Variants in KNDC1 observed in about 807,000 individuals in gnomAD.
KNDC1 encodes kinase non-catalytic C-lobe domain-containing protein 1.
Under a neutral mutation model 172.8 loss-of-function variants are expected in KNDC1, and 106 were observed. The ratio of observed to expected loss-of-function variants is 0.61; its 90% CI spans 0.52 to 0.72. KNDC1 has a LOEUF of 0.72. Ranked by LOEUF, KNDC1 falls within the 30% of genes least tolerant of loss-of-function variation. KNDC1 has a pLI of 0.00. For missense variants in KNDC1, 2,325 were observed against 2,394.5 expected (o/e 0.97, Z 0.61); for synonymous variants, 1,083 against 1,062.2 (o/e 1.02, Z -0.38).
intron 29 of KNDC1, among the ~76,000 whole-genome samples, 194 bp downstream of exon 29, chr10:133,220,306 T>A (rs575260415): frequency 3.4e-4 from 15 of 44,150 alleles, no homozygotes; most frequent in African/African-American, 1.2e-3. Context: ...CGCGCCCAGG[T>A]GAGGAGGGGC....
At chr10:133,208,600 C>A (rs1354090198) in intron 20 of KNDC1, among the ~76,000 whole-genome samples, 1 of 152,056 alleles carries the variant, frequency 6.6e-6, no homozygotes, top group Admixed American at 6.5e-5. Flanking sequence ...CGACCCCGTT[C>A]TCCCAAGGTG....
At chr10:133,218,796 C>G (rs1845521278) in intron 26 of KNDC1, 35 bp from the exon 27 acceptor site, 6 of 1,601,202 alleles carry the variant, frequency 3.7e-6, no homozygotes, top group Non-Finnish European at 5.1e-6. Flanking sequence ...CATCTTAAAC[C>G]AGAAGACGCT....
intron 29 of KNDC1, among the ~76,000 whole-genome samples, chr10:133,222,237 C>T (rs369754049): frequency 1.1e-4 from 17 of 147,844 alleles, no homozygotes; most frequent in African/African-American, 3.7e-4. Context: ...GAGCCGAGAT[C>T]GCGCCACCGC....
In KNDC1 at chr10:133,224,187, C is replaced by T. The variant is rs1033624869; in HGVS notation, c.5019-472C>T. ...CCCCAGGCCTGGCTGAGGGCTCCTG[C>T]TCGTGACTGGCCAGCTTTCTCCATT... is the stretch of plus-strand genomic sequence containing the variant. On this transcript the variant is annotated intron_variant, in intron 29 of 29. Transcript: ENST00000304613. The surrounding 1 kb of genome is among the most constrained non-coding windows in gnomAD (Gnocchi z 5.4). Among the ~76,000 whole-genome samples, 4 of 152,226 alleles carry T rather than the reference C, an allele frequency of 2.6e-5. No individual in the cohort carries two copies. In the South Asian group the frequency reaches 8.3e-4, roughly 32 times the overall value.
intron 5 of KNDC1, among the ~76,000 whole-genome samples, chr10:133,184,414 ACT>A (rs1379813181): frequency 2.5e-4 from 14 of 56,672 alleles, no homozygotes; most frequent in African/African-American, 6.4e-4. Flanking sequence ...GCACACACCC[ACT>A]CACACATTCA....
intron 26 of KNDC1, among the ~76,000 whole-genome samples, chr10:133,218,432 G>C (rs993944996): frequency 6.6e-6 from 1 of 152,218 alleles, no homozygotes; most frequent in Non-Finnish European, 1.5e-5. Context: ...GGGTTGGGGG[G>C]TGGGCACGGA....
At position 133,167,469 on chromosome 10, in the gene KNDC1, T is replaced by C. The variant is rs1157037761; in HGVS notation, c.191T>C (p.Leu64Pro). 6.2e-7 allele frequency: 1 copy of C among 1,606,822 alleles called. No homozygotes were observed. Among genetic ancestry groups the C allele is most frequent in the Non-Finnish European group, 8.5e-7 (1 of 1,177,616 alleles). The change falls in exon 2 of 30, where the codon CTG (leucine) becomes CCG (proline). Residue 64 changes from leucine (L) to proline (P), a missense_variant. Coordinates refer to ENST00000304613, the MANE Select transcript of KNDC1 (RefSeq NM_152643.8). ...TGGGCCGTGTGCCTGGAGTGCAGCC[T>C]GTCCATGCGGAGCGTGGCCCACGCC... Reference protein sequence around the residue: ...EAWAVCLECSLSMRSVAHAAI... With the variant: ...EAWAVCLECSPSMRSVAHAAI...
rs1431313115 is a variant in KNDC1, at chr10:133,209,324, A to T, written c.3795-1287A>T. Among the ~76,000 whole-genome samples, 1 of 147,216 alleles carries T rather than the reference A, an allele frequency of 6.8e-6. No homozygotes were observed. The highest frequency in any genetic ancestry group is 2.5e-5 in the African/African-American group (1 of 39,332). Reference sequence around the variant, plus strand: ...GGTGTGGGGTACAGTGTGTGTGTGCACGTGTGTGCTGTGCGGTGTGGGGTA... The same window carrying T: ...GGTGTGGGGTACAGTGTGTGTGTGCTCGTGTGTGCTGTGCGGTGTGGGGTA... On this transcript the variant is annotated intron_variant, in intron 20 of 29. Transcript: ENST00000304613. The surrounding 1 kb of genome is among the most constrained non-coding windows in gnomAD (Gnocchi z 4.9).
intron 6 of KNDC1, 70 bp downstream of exon 6, chr10:133,186,744 C>T (rs1853931926): frequency 5.6e-6 from 6 of 1,062,606 alleles, no homozygotes; most frequent in South Asian, 3.2e-5. Flanking sequence ...GGCCTCTCCA[C>T]AGATGCAAAC....
chr10:133,204,945 A>T (rs1241546589), intron 17 of KNDC1, among the ~76,000 whole-genome samples: 9 of 147,510 alleles, frequency 6.1e-5, no homozygotes, highest in Non-Finnish European at 1.2e-4. Context: ...CCCCCTGAAG[A>T]CCTGCTGCTC....
chr10:133,204,860 G>C (rs916173081), intron 17 of KNDC1, among the ~76,000 whole-genome samples: 1 of 152,050 alleles, frequency 6.6e-6, no homozygotes, highest in African/African-American at 2.4e-5. Flanking sequence ...CTCACAGGAG[G>C]CTGCGGGCCG....
At position 133,201,493 on chromosome 10, in the gene KNDC1, C is replaced by A; in HGVS notation, c.2990-8C>A. On this transcript the variant is annotated splice_polypyrimidine_tract_variant and splice_region_variant and intron_variant, in intron 16 of 29. Transcript: ENST00000304613. ...CTGTCCACGTAACCTGCGTCTCTTTCTTTCAAGGAAAAGAGAAGCCAGCCA... is the reference window on the plus strand; with the variant it reads ...CTGTCCACGTAACCTGCGTCTCTTTATTTCAAGGAAAAGAGAAGCCAGCCA... The A allele has an allele frequency of 1.9e-6, 3 of 1,584,312 alleles. 1 individual carries two copies. Among genetic ancestry groups the A allele is most frequent in the South Asian group, 2.3e-5 (2 of 86,812 alleles).
rs77019110 is a variant in KNDC1 at position 133,217,697 on chromosome 10, G to A, written c.4678-1134G>A. ...CTACTAAAAATACAAAAATTATCAC[G>A]GCTGTGATCCCAGCACTTTGGGAGT... On this transcript the variant is annotated intron_variant, in intron 26 of 29. Transcript: ENST00000304613. 8.0e-5 allele frequency among the ~76,000 whole-genome samples: 12 copies of A among 150,924 alleles called. No individual in the cohort carries two copies. The East Asian group carries it at 9.7e-4, about 12-fold the overall frequency.
At chr10:133,219,635 AT>A (rs1206732621) in intron 28 of KNDC1, among the ~76,000 whole-genome samples, 1 of 152,170 alleles carries the variant, frequency 6.6e-6, no homozygotes, top group Non-Finnish European at 1.5e-5. Flanking sequence ...CCGGGGTCTC[AT>A]TTAGGGAAGC....
intron 17 of KNDC1, among the ~76,000 whole-genome samples, chr10:133,204,290 A>G (rs1854462454): frequency 6.6e-6 from 1 of 152,230 alleles, no homozygotes; most frequent in Non-Finnish European, 1.5e-5. Flanking sequence ...CCGGGTAGCC[A>G]ACAGCCACGT....
chr10:133,195,981 C>G (rs531997846), intron 10 of KNDC1, among the ~76,000 whole-genome samples, 160 bp downstream of exon 10: 5 of 152,210 alleles, frequency 3.3e-5, no homozygotes, highest in Non-Finnish European at 5.9e-5. Flanking sequence ...TCGGCCTGGC[C>G]GTCGCATGGG....
intron 3 of KNDC1, among the ~76,000 whole-genome samples, chr10:133,179,544 C>T (rs948503956): frequency 1.3e-5 from 2 of 152,334 alleles, no homozygotes; most frequent in Middle Eastern, 3.4e-3. Context: ...CGCTTCCTAC[C>T]CCCTAGAGAG....
intron 5 of KNDC1, among the ~76,000 whole-genome samples, chr10:133,185,234 T>A (rs1853856286): frequency 6.8e-6 from 1 of 147,078 alleles, no homozygotes; most frequent in Non-Finnish European, 1.5e-5. Flanking sequence ...GTGTGCAGTG[T>A]GGAATAGGCA....
intron 1 of KNDC1, among the ~76,000 whole-genome samples, chr10:133,160,777 G>A (rs1170151926): frequency 6.6e-6 from 1 of 152,198 alleles, no homozygotes; most frequent in African/African-American, 2.4e-5. Flanking sequence ...GACGGCGGCG[G>A]GTGGGCAGCC....
Sources: allele counts gnomAD v4.1 joint callset (sites outside exome capture counted in the v4.1 genomes callset), GRCh38; gene constraint gnomAD v4.1.1; non-coding constraint Gnocchi (gnomAD v3.1); transcripts MANE v1.5; gene names NCBI Gene and HGNC (gene_info 2026-07-23, HGNC 2026-07-21).